Variants in SLC6A3 observed in about 807,000 individuals in gnomAD.
SLC6A3 encodes the protein solute carrier family 6 member 3.
In SLC6A3, 19 loss-of-function variants were observed where a neutral mutation model predicts 70.4. The ratio of observed to expected loss-of-function variants is 0.27; its 90% CI spans 0.19 to 0.40. The LOEUF (loss-of-function observed/expected upper bound fraction) is 0.40, where lower values mean the gene tolerates loss of function less well. SLC6A3 is among the 10% of genes least tolerant of loss of function. The pLI, the probability that SLC6A3 is intolerant of heterozygous loss-of-function variation, is 1.00. For synonymous variants in SLC6A3, 368 were observed against 356.6 expected, an observed-to-expected ratio of 1.03 and a Z score of -0.36; for missense variants, 613 against 838.5, an observed-to-expected ratio of 0.73 and a Z score of 3.32.
chr5:1,409,552 T>C (rs1228328520), intron 10 of SLC6A3, among the ~76,000 whole-genome samples, 169 bp downstream of exon 10: 1 of 152,220 alleles, frequency 6.6e-6, no homozygotes, highest in African/African-American at 2.4e-5. Context: ...AAGCTCTGGA[T>C]GTGCAGTTAC....
At chr5:1,423,778 C>G (rs1157383060) in intron 4 of SLC6A3, among the ~76,000 whole-genome samples, 1 of 152,222 alleles carries the variant, frequency 6.6e-6, no homozygotes, top group Non-Finnish European at 1.5e-5. Flanking sequence ...CAGACTGTGA[C>G]TTGGGGCCAA....
rs11133778 is a variant in SLC6A3, at chr5:1,421,428, C to G, written c.792+448G>C. 0.27 allele frequency among the ~76,000 whole-genome samples: 41,284 copies of G among 152,098 alleles called. 7,340 individuals carry two copies. Among genetic ancestry groups the G allele is most frequent in the Non-Finnish European group, 0.41 (27,659 of 67,960 alleles). ...CTGACCTCAGGTGATCTGCCCGTCT[C>G]AGCCTCCCAAAGTATTTTTATCAAC... is the stretch of plus-strand genomic sequence containing the variant. On this transcript the variant is annotated intron_variant, in intron 5 of 14. Coordinates refer to ENST00000270349, the MANE Select transcript of SLC6A3 (RefSeq NM_001044.5). The surrounding 1 kb of genome is among the most constrained non-coding windows in gnomAD (Gnocchi z 7.2).
chr5:1,412,911 G>C (rs1756162491), intron 8 of SLC6A3, among the ~76,000 whole-genome samples: 1 of 152,240 alleles, frequency 6.6e-6, no homozygotes, highest in South Asian at 2.1e-4. Context: ...GCCTCCGCGT[G>C]GGGTGGGGGA....
intron 9 of SLC6A3, among the ~76,000 whole-genome samples, chr5:1,410,816 G>T (rs1459164389): frequency 2.0e-5 from 3 of 151,974 alleles, no homozygotes; most frequent in Non-Finnish European, 4.4e-5. Flanking sequence ...ATGTGTGTGT[G>T]CATGCGTGTG....
At position 1,443,364 on chromosome 5, in the gene SLC6A3, G is replaced by C. The variant is rs968006251; in HGVS notation, c.-45-122C>G. 18 of 785,662 alleles carry C rather than the reference G, an allele frequency of 2.3e-5. No individual in the cohort carries two copies. The Admixed American group carries it at 3.6e-4, about 16-fold the overall frequency. 48.7% of individuals were successfully genotyped at this position (785,662 alleles called of 1,614,324 possible). A position where few individuals can be genotyped will look rare whatever the true frequency, so the allele number is the denominator to read the frequency against. ...CATTCACGGGCATTCCTCTGGGAAG[G>C]GATGGGTGCGTTCTCAGCGCCTGAG... On this transcript the variant is annotated intron_variant, in intron 1 of 14. Transcript: ENST00000270349.
At position 1,413,065 on chromosome 5, in the gene SLC6A3, A is replaced by G. The variant is rs1322297250; in HGVS notation, c.1156+1626T>C. Among the ~76,000 whole-genome samples the G allele has an allele frequency of 6.6e-6, 1 of 152,244 alleles. No individual in the cohort carries two copies. The highest frequency in any genetic ancestry group is 1.5e-5 in the Non-Finnish European group (1 of 68,046). ...TAACATTTCACCCTATTTTCTTGAG[A>G]ATTAAGGCTGTAAATGACATTTACT... On this transcript the variant is annotated intron_variant, in intron 8 of 14. Coordinates refer to ENST00000270349, the MANE Select transcript of SLC6A3 (RefSeq NM_001044.5). This position sits in a 1 kb window ranked among gnomAD's most constrained non-coding sequence, Gnocchi z 7.1.
chr5:1,443,426 G>C (rs908466381), intron 1 of SLC6A3, among the ~76,000 whole-genome samples, 184 bp from the exon 2 acceptor site: 1 of 152,208 alleles, frequency 6.6e-6, no homozygotes, highest in Non-Finnish European at 1.5e-5. Flanking sequence ...GGAAGTGCCA[G>C]CCCTCACCAC....
Position 1,402,009 on chromosome 5 carries a change from G to C in SLC6A3, c.1767+913C>G, listed in dbSNP as rs1755862826. ...CTGCACTGGGCCTTGGCCTGGCCAG[G>C]CTGCTGGAGAGACTGGCTCAGTGCC... On this transcript the variant is annotated intron_variant, in intron 13 of 14. Coordinates refer to ENST00000270349, the MANE Select transcript of SLC6A3 (RefSeq NM_001044.5). This position sits in a 1 kb window ranked among gnomAD's most constrained non-coding sequence, Gnocchi z 8.5. Among the ~76,000 whole-genome samples, 3 of 152,192 alleles carry C rather than the reference G, an allele frequency of 2.0e-5. No homozygotes were observed. Among genetic ancestry groups the C allele is most frequent in the African/African-American group, 7.2e-5 (3 of 41,460 alleles).
chr5:1,416,506 A>G, intron 6 of SLC6A3: 1 of 508,302 alleles, frequency 2.0e-6, no homozygotes, highest in East Asian at 3.7e-5. Flanking sequence ...TAGCCCTCAG[A>G]ACAGCATGGA....
intron 3 of SLC6A3, among the ~76,000 whole-genome samples, chr5:1,433,379 A>G (rs1324692422): frequency 2.0e-5 from 3 of 152,166 alleles, no homozygotes; most frequent in African/African-American, 7.2e-5. Context: ...ACAGCCATCC[A>G]CAGCCACCAG....
At position 1,442,978 on chromosome 5, in the gene SLC6A3, T is replaced by C; in HGVS notation, c.220A>G (p.Ile74Val). Residue 74 changes from isoleucine (I) to valine (V), a missense_variant, in exon 2 of 15, where the codon ATT (isoleucine) becomes GTT (valine). Around this residue, in one of 4 missense-constraint regions of SLC6A3, gnomAD observed 153 missense variants for 249.4 expected, o/e 0.61. Transcript: ENST00000270349. This position sits in a 1 kb window ranked among gnomAD's most constrained non-coding sequence, Gnocchi z 5.0. ...TTGGCCAGGTCCACAGCAAAGCCAATGACGGACAGGAGAAAGTCGATCTTC... is the reference window on the plus strand; with the variant it reads ...TTGGCCAGGTCCACAGCAAAGCCAACGACGGACAGGAGAAAGTCGATCTTC... ...GKKIDFLLSV[I>V]GFAVDLANVW... is the part of the protein sequence containing the mutation. 6.2e-7 allele frequency: 1 copy of C among 1,614,164 alleles called. No homozygotes were observed. The highest frequency in any genetic ancestry group is 8.5e-7 in the Non-Finnish European group (1 of 1,180,038).
intron 8 of SLC6A3, among the ~76,000 whole-genome samples, chr5:1,412,719 T>C (rs1399585782): frequency 6.6e-6 from 1 of 152,226 alleles, no homozygotes; most frequent in East Asian, 1.9e-4. Context: ...GAGTCCCCTG[T>C]CCTCAGCAGG....
rs1236673493 is a variant in SLC6A3 at position 1,436,962 on chromosome 5, C to T, written c.419-4264G>A. Among the ~76,000 whole-genome samples, 2 of 152,136 alleles carry T rather than the reference C, an allele frequency of 1.3e-5. No homozygotes were observed. Among genetic ancestry groups the T allele is most frequent in the Non-Finnish European group, 1.5e-5 (1 of 68,038 alleles). ...ATCAAGCAGGTCTTTGGAAGAAAGA[C>T]GGGAGAGGGCCGGGCACGGTGGCTC... On this transcript the variant is annotated intron_variant, in intron 3 of 14. Transcript: ENST00000270349. The surrounding 1 kb of genome is among the most constrained non-coding windows in gnomAD (Gnocchi z 5.2).
Position 1,408,903 on chromosome 5 carries a change from G to A in SLC6A3, c.1498+123C>T. On this transcript the variant is annotated intron_variant, in intron 11 of 14. Coordinates refer to ENST00000270349, the MANE Select transcript of SLC6A3 (RefSeq NM_001044.5). The surrounding 1 kb of genome is among the most constrained non-coding windows in gnomAD (Gnocchi z 6.4). ...AAGCCTCTCCCCTCTGCGGAGCTGT[G>A]ATGACCACAACCCAGGCTTCCTGCA... 1.4e-6 allele frequency: 1 copy of A among 732,840 alleles called. No homozygotes were observed. The highest frequency in any genetic ancestry group is 2.0e-5 in the Admixed American group (1 of 50,118). 45.4% of individuals were successfully genotyped at this position (732,840 alleles called of 1,614,324 possible).
rs1468313128 is a variant in SLC6A3 at position 1,397,387 on chromosome 5, C to T, written c.1840-2629G>A. On this transcript the variant is annotated intron_variant, in intron 14 of 14. Coordinates refer to ENST00000270349, the MANE Select transcript of SLC6A3 (RefSeq NM_001044.5). This position sits in a 1 kb window ranked among gnomAD's most constrained non-coding sequence, Gnocchi z 4.7. Reference sequence around the variant, plus strand: ...CGGAGCTTGCAGTGAGCCGAGATTGCGCCACTGCACTCCAGCCTGGGCTAC... The same window carrying T: ...CGGAGCTTGCAGTGAGCCGAGATTGTGCCACTGCACTCCAGCCTGGGCTAC... Among the ~76,000 whole-genome samples the T allele has an allele frequency of 6.6e-6, 1 of 152,170 alleles. No individual in the cohort carries two copies. The highest frequency in any genetic ancestry group is 1.5e-5 in the Non-Finnish European group (1 of 68,030).
chr5:1,394,618 C>T lies in SLC6A3; in HGVS notation c.*117G>A. 1.0e-6 allele frequency: 1 copy of T among 993,784 alleles called. No homozygotes were observed. Among genetic ancestry groups the T allele is most frequent in the Non-Finnish European group, 1.6e-6 (1 of 615,646 alleles). The allele number at this position is 993,784 out of a possible 1,614,324, so 61.6% of individuals were successfully genotyped here. ...TCTTCTGCTTTGTTGTTTGTGTTTT[C>T]AGTAGAGGTTGAAGAGTAGAAGTTG... On this transcript the variant is annotated 3_prime_UTR_variant, in exon 15 of 15. Coordinates refer to ENST00000270349, the MANE Select transcript of SLC6A3 (RefSeq NM_001044.5). This position sits in a 1 kb window ranked among gnomAD's most constrained non-coding sequence, Gnocchi z 4.7.
Position 1,416,209 on chromosome 5 carries a change from G to C in SLC6A3, c.928-8C>G. ...GGCCGCGTCAATCCAAACCTGCAGA[G>C]CCAGAGGGCGGTGAGAGGCTGTCCC... On this transcript the variant is annotated splice_polypyrimidine_tract_variant and splice_region_variant and intron_variant, in intron 6 of 14. Coordinates refer to ENST00000270349, the MANE Select transcript of SLC6A3 (RefSeq NM_001044.5). 1 of 1,609,160 alleles carries C rather than the reference G, an allele frequency of 6.2e-7. No homozygotes were observed. Among genetic ancestry groups the C allele is most frequent in the South Asian group, 1.1e-5 (1 of 91,038 alleles).
At position 1,421,787 on chromosome 5, in the gene SLC6A3, C is replaced by A; in HGVS notation, c.792+89G>T. The A allele has an allele frequency of 3.5e-6, 5 of 1,431,712 alleles. No individual in the cohort carries two copies. Among genetic ancestry groups the A allele is most frequent in the Non-Finnish European group, 4.9e-6 (5 of 1,019,698 alleles). 88.7% of individuals were successfully genotyped at this position (1,431,712 alleles called of 1,614,324 possible). A position where few individuals can be genotyped will look rare whatever the true frequency, so the allele number is the denominator to read the frequency against. ...TTGGTAGCACAAAACCCAACTGAGGCCACACGTGCACCTCCTGTCCAGCCA... is the reference window on the plus strand; with the variant it reads ...TTGGTAGCACAAAACCCAACTGAGGACACACGTGCACCTCCTGTCCAGCCA... On this transcript the variant is annotated intron_variant, in intron 5 of 14. Transcript: ENST00000270349. The surrounding 1 kb of genome is among the most constrained non-coding windows in gnomAD (Gnocchi z 7.2).
chr5:1,418,026 C>G (rs905671623), intron 6 of SLC6A3, among the ~76,000 whole-genome samples: 2 of 152,314 alleles, frequency 1.3e-5, no homozygotes, highest in South Asian at 4.1e-4. Flanking sequence ...GGCCAGGCCC[C>G]GCAGTCAGGA....
Sources: allele counts gnomAD v4.1 joint callset (sites outside exome capture counted in the v4.1 genomes callset), GRCh38; gene constraint gnomAD v4.1.1; regional missense constraint gnomAD v4.1.1; non-coding constraint Gnocchi (gnomAD v3.1); transcripts MANE v1.5; gene names NCBI Gene and HGNC (gene_info 2026-07-23, HGNC 2026-07-21).